Variants in TRIM9 observed in about 807,000 individuals in gnomAD.
TRIM9 encodes the protein tripartite motif containing 9.
TRIM9 carries 26 observed loss-of-function variants against 78.3 expected under a neutral mutation model. That is an observed-to-expected ratio of 0.33 (90% confidence interval 0.24 to 0.46). The LOEUF (loss-of-function observed/expected upper bound fraction) is 0.46. Ranked by LOEUF, TRIM9 falls within the 20% of genes least tolerant of loss-of-function variation. The pLI is 1.00. For synonymous variants in TRIM9, 398 were observed against 416.5 expected (o/e 0.96, Z 0.54); for missense variants, 787 against 1,036.4 (o/e 0.76, Z 3.30).
chr14:50,993,892 A>G (rs958348327), intron 7 of TRIM9, among the ~76,000 whole-genome samples: 2 of 152,198 alleles, frequency 1.3e-5, no homozygotes, highest in African/African-American at 4.8e-5. Flanking sequence ...GTTTCCCATA[A>G]GTAGAGAAAG....
intron 7 of TRIM9, among the ~76,000 whole-genome samples, chr14:50,990,789 G>A (rs77319178): frequency 0.043 from 6,615 of 152,192 alleles, 168 homozygotes; most frequent in Middle Eastern, 0.11. Flanking sequence ...GACATGTCAC[G>A]AAGAATTGTA....
rs1394247647 is a variant in TRIM9 at position 51,023,869 on chromosome 14, C to T, written c.919-912G>A. 2.0e-5 allele frequency among the ~76,000 whole-genome samples: 3 copies of T among 152,128 alleles called. No homozygotes were observed. The East Asian group carries it at 5.8e-4, about 29-fold the overall frequency. ...TTGAGTAAACTGTAAACTTTTGGGG[C>T]TGGCAAGAAAGGCACAATTTAAATT... On this transcript the variant is annotated intron_variant, in intron 2 of 12. Coordinates refer to ENST00000684578, the MANE Select transcript of TRIM9 (RefSeq NM_001387360.1).
At chr14:51,004,204 A>G (rs933549289) in intron 5 of TRIM9, among the ~76,000 whole-genome samples, 1 of 152,208 alleles carries the variant, frequency 6.6e-6, no homozygotes. Flanking sequence ...TGACCTGATC[A>G]GGGTTCCAGC....
chr14:51,020,494 G>C (rs1193389819), intron 3 of TRIM9, among the ~76,000 whole-genome samples: 1 of 152,198 alleles, frequency 6.6e-6, no homozygotes, highest in African/African-American at 2.4e-5. Flanking sequence ...CTCCAGCCTG[G>C]GCAGGGTGGA....
chr14:51,010,261 G>A lies in TRIM9; in HGVS notation c.1152+123C>T. The stretch of plus-strand genomic sequence containing the variant: ...CTTACTTCCATGTACACTGCAGTGT[G>A]AGGTAGGTTCTGTTATTGAGGGACA... On this transcript the variant is annotated intron_variant, in intron 4 of 12. Transcript: ENST00000684578. 7.3e-6 allele frequency: 5 copies of A among 682,206 alleles called. No individual in the cohort carries two copies. The South Asian group carries it at 9.1e-5, about 12-fold the overall frequency. The allele number at this position is 682,206 out of a possible 1,614,324, so 42.3% of individuals were successfully genotyped here.
At chr14:51,004,986 G>A (rs956250581) in intron 5 of TRIM9, among the ~76,000 whole-genome samples, 11 of 152,276 alleles carry the variant, frequency 7.2e-5, no homozygotes, top group African/African-American at 2.6e-4. Flanking sequence ...TTCTCTGAAG[G>A]CTCATTTGTA....
At chr14:51,061,246 C>G (rs1313742559) in intron 1 of TRIM9, among the ~76,000 whole-genome samples, 1 of 151,942 alleles carries the variant, frequency 6.6e-6, no homozygotes, top group Non-Finnish European at 1.5e-5. Context: ...AACCCTGTCT[C>G]TACGAAAAAT....
intron 6 of TRIM9, among the ~76,000 whole-genome samples, chr14:50,998,631 A>T (rs2054544385): frequency 6.6e-6 from 1 of 152,206 alleles, no homozygotes; most frequent in South Asian, 2.1e-4. Flanking sequence ...AAACCATGAA[A>T]ACAGGAAGGT....
chr14:51,055,588 T>C (rs2140118026), intron 1 of TRIM9, among the ~76,000 whole-genome samples: 1 of 152,280 alleles, frequency 6.6e-6, no homozygotes, highest in South Asian at 2.1e-4. Flanking sequence ...TTGCTGGTTT[T>C]GAGGATGGAG....
In TRIM9 at chr14:51,052,707, T is replaced by G. The variant is rs536430439; in HGVS notation, c.823-27347A>C. Among the ~76,000 whole-genome samples the G allele has an allele frequency of 4.6e-5, 7 of 152,328 alleles. No homozygotes were observed. The South Asian group carries it at 1.2e-3, about 27-fold the overall frequency. ...CACCATGCATGCAGACCTCATTACT[T>G]ACACAGATTCCTTTTTAGCCCCCTC... is the stretch of plus-strand genomic sequence containing the variant. On this transcript the variant is annotated intron_variant, in intron 1 of 12. Coordinates refer to ENST00000684578, the MANE Select transcript of TRIM9 (RefSeq NM_001387360.1).
intron 7 of TRIM9, among the ~76,000 whole-genome samples, chr14:50,989,779 C>T (rs1383372515): frequency 2.0e-5 from 3 of 152,172 alleles, no homozygotes; most frequent in African/African-American, 7.2e-5. Flanking sequence ...TCAAGATATG[C>T]TTTCCATCAA....
intron 6 of TRIM9, among the ~76,000 whole-genome samples, chr14:50,999,675 C>A (rs1474437972): frequency 1.3e-5 from 2 of 152,256 alleles, no homozygotes; most frequent in African/African-American, 2.4e-5. Context: ...AAGCCTCATC[C>A]TCACGGGCCT....
At chr14:50,990,728 C>T (rs11157786) in intron 7 of TRIM9, among the ~76,000 whole-genome samples, 38,590 of 152,046 alleles carry the variant, frequency 0.25, 5,059 homozygotes, top group Non-Finnish European at 0.28. Context: ...TTAAGCAGCC[C>T]TTGAACCCAG....
chr14:51,001,159 G>A (rs1231721096), intron 5 of TRIM9, among the ~76,000 whole-genome samples: 2 of 152,106 alleles, frequency 1.3e-5, no homozygotes, highest in East Asian at 3.9e-4. Flanking sequence ...GTTTTACATG[G>A]AGGCTGGGGT....
chr14:51,047,977 C>T (rs973942589), intron 1 of TRIM9, among the ~76,000 whole-genome samples: 1 of 151,950 alleles, frequency 6.6e-6, no homozygotes, highest in Non-Finnish European at 1.5e-5. Context: ...AAAAAAAATC[C>T]CCTTACCAAA....
chr14:51,078,814 G>C (rs2063044776), intron 1 of TRIM9, among the ~76,000 whole-genome samples: 1 of 152,154 alleles, frequency 6.6e-6, no homozygotes, highest in African/African-American at 2.4e-5. Flanking sequence ...CAGGCCTGGA[G>C]ATCGAATGTA....
Position 50,982,941 on chromosome 14 carries a change from C to T in TRIM9, c.1858+1G>A. 6.5e-7 allele frequency: 1 copy of T among 1,548,426 alleles called. No individual in the cohort carries two copies. Among genetic ancestry groups the T allele is most frequent in the Non-Finnish European group, 8.7e-7 (1 of 1,145,180 alleles). ...GGTAACAGAATAAGGTTATTCCATA[C>T]CTGCCAACAGCTTTTTAATGTCAAC... On this transcript the variant is annotated splice_donor_variant, in intron 10 of 12. Transcript: ENST00000684578. LOFTEE classifies it high-confidence loss of function.
In TRIM9 at chr14:51,025,394, A is replaced by G. The variant is rs774279758; in HGVS notation, c.823-34T>C. 4 of 1,469,828 alleles carry G rather than the reference A, an allele frequency of 2.7e-6. No individual in the cohort carries two copies. In the East Asian group the frequency reaches 9.2e-5, roughly 34 times the overall value. The allele number at this position is 1,469,828 out of a possible 1,614,324, so 91.0% of individuals were successfully genotyped here. A position where few individuals can be genotyped will look rare whatever the true frequency, so the allele number is the denominator to read the frequency against. On this transcript the variant is annotated intron_variant, in intron 1 of 12. Transcript: ENST00000684578. Reference sequence around the variant, plus strand: ...ACAAAGAAGGAAGCCATGGAGCTGTAATCACAGGATACACCAACAAGGCCA... The same window carrying G: ...ACAAAGAAGGAAGCCATGGAGCTGTGATCACAGGATACACCAACAAGGCCA...
chr14:51,076,973 C>T (rs2062839075), intron 1 of TRIM9, among the ~76,000 whole-genome samples: 1 of 152,216 alleles, frequency 6.6e-6, no homozygotes, highest in African/African-American at 2.4e-5. Flanking sequence ...GAGAAGACCT[C>T]TTCAGACGCA....
Sources: allele counts gnomAD v4.1 joint callset (sites outside exome capture counted in the v4.1 genomes callset), GRCh38; gene constraint gnomAD v4.1.1; transcripts MANE v1.5; gene names NCBI Gene and HGNC (gene_info 2026-07-23, HGNC 2026-07-21).